Variants in LRRC4C observed in about 807,000 individuals in gnomAD.
LRRC4C encodes the protein leucine rich repeat containing 4C, also known as leucine-rich repeat-containing protein 4C.
Under a neutral mutation model 33.6 loss-of-function variants are expected in LRRC4C, and 5 were observed. That is an observed-to-expected ratio of 0.15 (90% CI 0.08 to 0.31). The LOEUF (loss-of-function observed/expected upper bound fraction) is 0.31, where lower values mean the gene tolerates loss of function less well. LRRC4C is among the 10% of genes least tolerant of loss of function. The pLI is 1.00. For missense variants in LRRC4C, 560 were observed against 796.7 expected, an observed-to-expected ratio of 0.70 and a Z score of 3.58; for synonymous variants, 329 against 302.0, an observed-to-expected ratio of 1.09 and a Z score of -0.93.
At chr11:40,815,972 G>A (rs997570111) in intron 2 of LRRC4C, among the ~76,000 whole-genome samples, 18 of 152,210 alleles carry the variant, frequency 1.2e-4, no homozygotes, top group Middle Eastern at 3.4e-3. Flanking sequence ...TATTTAATGC[G>A]ATTTCACGAA....
At chr11:40,515,971 C>T (rs1173246654) in intron 3 of LRRC4C, among the ~76,000 whole-genome samples, 4 of 151,910 alleles carry the variant, frequency 2.6e-5, no homozygotes, top group Non-Finnish European at 5.9e-5. Context: ...TTAACTCAGA[C>T]CCTATTCATT....
intron 3 of LRRC4C, among the ~76,000 whole-genome samples, chr11:40,485,898 A>C (rs1362498658): frequency 2.0e-5 from 3 of 152,076 alleles, no homozygotes; most frequent in Non-Finnish European, 4.4e-5. Flanking sequence ...CAGGAACAGA[A>C]AACCAAATAC....
At chr11:40,419,827 G>A (rs1288949716) in intron 3 of LRRC4C, among the ~76,000 whole-genome samples, 1 of 152,214 alleles carries the variant, frequency 6.6e-6, no homozygotes, top group African/African-American at 2.4e-5. Flanking sequence ...CTATATCAAT[G>A]TTGGATTTTC....
chr11:40,627,112 G>A (rs997592827), intron 3 of LRRC4C, among the ~76,000 whole-genome samples: 5 of 146,976 alleles, frequency 3.4e-5, no homozygotes, highest in Non-Finnish European at 7.4e-5. Context: ...GGGTGGGTCA[G>A]GTACTAGGAT....
intron 3 of LRRC4C, among the ~76,000 whole-genome samples, chr11:40,473,185 A>G (rs552403096): frequency 1.3e-5 from 2 of 152,348 alleles, no homozygotes; most frequent in East Asian, 3.9e-4. Flanking sequence ...CCTGATGAAC[A>G]TCAATGCAAA....
intron 2 of LRRC4C, among the ~76,000 whole-genome samples, chr11:40,837,671 C>G (rs1395927086): frequency 3.5e-5 from 2 of 57,410 alleles, no homozygotes; most frequent in Admixed American, 2.7e-4. Context: ...GAGACCCTGT[C>G]TCTTCAAAAA....
intron 2 of LRRC4C, among the ~76,000 whole-genome samples, chr11:40,711,467 G>T (rs948715081): frequency 6.6e-6 from 1 of 152,050 alleles, no homozygotes; most frequent in Non-Finnish European, 1.5e-5. Context: ...TGTATAAATT[G>T]GTTATTAGAA....
intron 5 of LRRC4C, among the ~76,000 whole-genome samples, chr11:40,153,101 G>T (rs1858362525): frequency 6.6e-6 from 1 of 152,166 alleles, no homozygotes; most frequent in Non-Finnish European, 1.5e-5. Context: ...CCCATAGACA[G>T]TTCACATCAC....
chr11:40,858,851 A>T (rs1449541008), intron 2 of LRRC4C, among the ~76,000 whole-genome samples: 1 of 152,108 alleles, frequency 6.6e-6, no homozygotes, highest in Non-Finnish European at 1.5e-5. Context: ...CATTGTTCTG[A>T]TTATCTGGGA....
intron 1 of LRRC4C, among the ~76,000 whole-genome samples, chr11:41,148,133 A>T (rs1367980990): frequency 6.6e-5 from 10 of 152,060 alleles, no homozygotes; most frequent in Non-Finnish European, 1.3e-4. Flanking sequence ...ATCCTGCCTC[A>T]GCCTCCCAAG....
At chr11:41,414,324 T>G (rs970935517) in intron 1 of LRRC4C, among the ~76,000 whole-genome samples, 1 of 152,174 alleles carries the variant, frequency 6.6e-6, no homozygotes, top group Non-Finnish European at 1.5e-5. Flanking sequence ...AAATCAAGAA[T>G]GTTTTCTTTA....
chr11:41,261,744 C>T (rs1342447649), intron 1 of LRRC4C, among the ~76,000 whole-genome samples: 1 of 151,960 alleles, frequency 6.6e-6, no homozygotes, highest in African/African-American at 2.4e-5. Flanking sequence ...AGAGAAAATA[C>T]GTAAAGAGGA....
In LRRC4C at chr11:40,754,157, T is replaced by C. The variant is rs535641488; in HGVS notation, c.-406-105879A>G. Among the ~76,000 whole-genome samples the C allele has an allele frequency of 9.3e-4, 142 of 152,192 alleles. 2 individuals carry two copies. The highest frequency in any genetic ancestry group is 3.4e-3 in the Middle Eastern group (1 of 294). ...ACATATCTCTTTTTAATTTTCATAA[T>C]TTATGTATTTTTCTCTAATTTTGTT... On this transcript the variant is annotated intron_variant, in intron 2 of 6. Transcript: ENST00000528697.
intron 5 of LRRC4C, among the ~76,000 whole-genome samples, chr11:40,144,177 A>G (rs1387421751): frequency 6.6e-6 from 1 of 152,212 alleles, no homozygotes; most frequent in Non-Finnish European, 1.5e-5. Flanking sequence ...ACTTGAAATG[A>G]GATGATACCC....
At chr11:41,021,611 T>C (rs1280679540) in intron 1 of LRRC4C, among the ~76,000 whole-genome samples, 2 of 152,230 alleles carry the variant, frequency 1.3e-5, no homozygotes, top group Non-Finnish European at 2.9e-5. Context: ...TATCTCAAGA[T>C]ACAGCCCCCA....
intron 2 of LRRC4C, among the ~76,000 whole-genome samples, chr11:40,692,093 C>A (rs567973645): frequency 2.8e-4 from 43 of 152,098 alleles, no homozygotes; most frequent in African/African-American, 1.0e-3. Flanking sequence ...ACAACTTAAT[C>A]CTCCCCATCT....
At chr11:40,912,488 G>A (rs1055729061) in intron 2 of LRRC4C, among the ~76,000 whole-genome samples, 134 of 152,236 alleles carry the variant, frequency 8.8e-4, no homozygotes, top group Non-Finnish European at 1.6e-3. Context: ...TTACAGACAA[G>A]CAAATGCTGA....
At chr11:40,454,520 T>C (rs777809203) in intron 3 of LRRC4C, among the ~76,000 whole-genome samples, 5 of 152,156 alleles carry the variant, frequency 3.3e-5, no homozygotes, top group Admixed American at 6.6e-5. Flanking sequence ...CAAAGGGAGA[T>C]TTATCTGAAA....
chr11:40,606,465 G>T (rs1960600587), intron 3 of LRRC4C, among the ~76,000 whole-genome samples: 1 of 151,866 alleles, frequency 6.6e-6, no homozygotes, highest in Non-Finnish European at 1.5e-5. Context: ...CACTAGGAGA[G>T]ATTTTTTTTC....
Sources: allele counts gnomAD v4.1 joint callset (sites outside exome capture counted in the v4.1 genomes callset), GRCh38; gene constraint gnomAD v4.1.1; transcripts MANE v1.5; gene names NCBI Gene and HGNC (gene_info 2026-07-23, HGNC 2026-07-21).